RSF1: variants seen among roughly 807,000 people sequenced by gnomAD.
The protein encoded by RSF1 is remodeling and spacing factor 1, also known as HBV pX-associated protein 8.
In RSF1, 13 loss-of-function variants were observed where a neutral mutation model predicts 145.2. The observed-to-expected ratio is 0.09, with a 90% CI of 0.06 to 0.14. The LOEUF (loss-of-function observed/expected upper bound fraction) is 0.14. RSF1 is among the 10% of genes least tolerant of loss of function. RSF1 has a pLI of 1.00. For missense variants in RSF1, 1,517 were observed against 1,718.2 expected (o/e 0.88, Z 2.07); for synonymous variants, 577 against 592.6 (o/e 0.97, Z 0.38).
intron 11 of RSF1, among the ~76,000 whole-genome samples, chr11:77,682,798 G>A (rs1052875422): frequency 6.6e-6 from 1 of 152,226 alleles, no homozygotes. Flanking sequence ...TGGTTGCTAT[G>A]AAGGCATATA....
chr11:77,795,950 T>C (rs1948568088), intron 1 of RSF1, among the ~76,000 whole-genome samples: 1 of 152,196 alleles, frequency 6.6e-6, no homozygotes, highest in African/African-American at 2.4e-5. Context: ...GGTGTATGTG[T>C]CCAGGAATTT....
At position 77,772,850 on chromosome 11, in the gene RSF1, A is replaced by G. The variant is rs1948301426; in HGVS notation, c.188-8161T>C. On this transcript the variant is annotated intron_variant, in intron 1 of 15. Transcript: ENST00000308488. Reference sequence around the variant, plus strand: ...TGTGACAAGAGTTGCCCAAGATGGAAAAAAAAAAAAAAAAAAAAAAAGGGC... The same window carrying G: ...TGTGACAAGAGTTGCCCAAGATGGAGAAAAAAAAAAAAAAAAAAAAAGGGC... 2.5e-4 allele frequency among the ~76,000 whole-genome samples: 22 copies of G among 87,598 alleles called. No homozygotes were observed. In the South Asian group the frequency reaches 7.3e-3, roughly 29 times the overall value. The allele number at this position is 87,598 out of a possible 152,430, so 57.5% of individuals were successfully genotyped here. A position where few individuals can be genotyped will look rare whatever the true frequency, so the allele number is the denominator to read the frequency against.
the RSF1 span, among the ~76,000 whole-genome samples, chr11:77,840,488 C>A: frequency 1.3e-5 from 2 of 152,158 alleles, no homozygotes; most frequent in Non-Finnish European, 2.9e-5. Context: ...AAGATCGCAC[C>A]ACTGCACTCC....
chr11:77,698,696 T>C lies in RSF1; in HGVS notation c.2509-3A>G, dbSNP rs1157922518. 4 of 1,610,978 alleles carry C rather than the reference T, an allele frequency of 2.5e-6. No homozygotes were observed. Among genetic ancestry groups the C allele is most frequent in the Non-Finnish European group, 3.4e-6 (4 of 1,178,426 alleles). ...CGAACTTTGCCTTTGGGTTTTACCT[T>C]GTATAAAATAAAAAAAATTGGGATA... On this transcript the variant is annotated splice_region_variant and splice_polypyrimidine_tract_variant and intron_variant, in intron 6 of 15. Transcript: ENST00000308488.
chr11:77,704,782 C>T (rs1338311031), intron 5 of RSF1, among the ~76,000 whole-genome samples: 10 of 120,386 alleles, frequency 8.3e-5, no homozygotes, highest in Non-Finnish European at 8.1e-5. Flanking sequence ...GACGAAGTTT[C>T]GCTCTTGTTG....
At chr11:77,734,838 C>T (rs1961301930) in intron 4 of RSF1, 5 of 1,591,732 alleles carry the variant, frequency 3.1e-6, no homozygotes, top group Non-Finnish European at 4.3e-6. Flanking sequence ...CATGCTCCCT[C>T]TCCTCATGAG....
chr11:77,775,648 A>G (rs1948334944), intron 1 of RSF1, among the ~76,000 whole-genome samples: 1 of 152,228 alleles, frequency 6.6e-6, no homozygotes. Context: ...TTAAAACTTG[A>G]GCAGGGCCAG....
chr11:77,746,970 ATTTAACCAGGAGTCAAAAGTTAAAT>A (rs770215954), intron 3 of RSF1, 41 bp downstream of exon 3: 7 of 987,720 alleles, frequency 7.1e-6, no homozygotes, highest in Non-Finnish European at 1.1e-5. Flanking sequence ...TTATTTTCCA[ATTTAACCAGGAGTCAAAAGTTAAAT>A]TTTAAATTAA....
At chr11:77,716,671 G>C (rs1002217747) in intron 5 of RSF1, among the ~76,000 whole-genome samples, 1 of 152,054 alleles carries the variant, frequency 6.6e-6, no homozygotes, top group Non-Finnish European at 1.5e-5. Context: ...GTAAGTTCAA[G>C]AGATCTACTA....
intron 1 of RSF1, among the ~76,000 whole-genome samples, chr11:77,803,796 A>C (rs965074849): frequency 2.6e-5 from 4 of 151,348 alleles, no homozygotes; most frequent in Non-Finnish European, 5.9e-5. Flanking sequence ...GCTGTTATGC[A>C]TGGCCAAGTG....
chr11:77,735,818 C>A (rs1961336112), intron 4 of RSF1, among the ~76,000 whole-genome samples: 2 of 152,208 alleles, frequency 1.3e-5, no homozygotes, highest in South Asian at 4.2e-4. Context: ...TGGCTCACTG[C>A]AACCTCTGCC....
chr11:77,698,157 T>A (rs187476471), intron 7 of RSF1, among the ~76,000 whole-genome samples: 1 of 152,276 alleles, frequency 6.6e-6, no homozygotes, highest in African/African-American at 2.4e-5. Context: ...GAAATGCCAT[T>A]ATTAAGTAAT....
intron 2 of RSF1, among the ~76,000 whole-genome samples, chr11:77,749,468 GAAGC>G (rs1948037580): frequency 1.3e-5 from 2 of 152,148 alleles, no homozygotes; most frequent in Non-Finnish European, 2.9e-5. Flanking sequence ...CAAGTATGGG[GAAGC>G]TCATCCTTAG....
intron 15 of RSF1, among the ~76,000 whole-genome samples, 181 bp from the exon 16 acceptor site, chr11:77,667,672 C>T (rs2135805227): frequency 2.0e-5 from 3 of 152,178 alleles, no homozygotes; most frequent in Middle Eastern, 6.8e-3. Context: ...CAATATGATT[C>T]ATGGTGTACT....
intron 1 of RSF1, among the ~76,000 whole-genome samples, chr11:77,794,885 T>C (rs1482543875): frequency 1.3e-5 from 2 of 152,090 alleles, no homozygotes; most frequent in African/African-American, 4.8e-5. Context: ...AAAGGAAAGG[T>C]ATCCAAATTG....
chr11:77,748,137 A>G (rs898782563), intron 2 of RSF1, among the ~76,000 whole-genome samples: 10 of 152,166 alleles, frequency 6.6e-5, no homozygotes, highest in African/African-American at 2.2e-4. Context: ...CGATTTGTGC[A>G]ATAAAATAAT....
intron 3 of RSF1, among the ~76,000 whole-genome samples, chr11:77,743,072 G>A (rs1947959017): frequency 1.3e-5 from 2 of 152,060 alleles, no homozygotes. Context: ...GTTTGTTTCT[G>A]GGCTTTCTAT....
At chr11:77,705,143 G>A (rs1277528592) in intron 5 of RSF1, among the ~76,000 whole-genome samples, 1 of 152,180 alleles carries the variant, frequency 6.6e-6, no homozygotes, top group African/African-American at 2.4e-5. Context: ...TGTAGAGGAA[G>A]GAAGAACTAG....
intron 1 of RSF1, among the ~76,000 whole-genome samples, chr11:77,768,757 T>A (rs1948252123): frequency 6.6e-6 from 1 of 152,212 alleles, no homozygotes; most frequent in Non-Finnish European, 1.5e-5. Context: ...TGTCAACTGA[T>A]AAGAAACAGG....
Sources: gnomAD v4.1 joint callset for allele counts (sites outside exome capture counted in the v4.1 genomes callset) on GRCh38, gnomAD v4.1.1 for gene constraint, MANE v1.5 for transcripts, NCBI Gene and HGNC (gene_info 2026-07-23, HGNC 2026-07-21) for gene names.